SGCZ: variants seen among roughly 807,000 people sequenced by gnomAD.
SGCZ encodes sarcoglycan zeta, also known as zeta-sarcoglycan.
Under a neutral mutation model 41.3 loss-of-function variants are expected in SGCZ, and 40 were observed. The ratio of observed to expected loss-of-function variants is 0.97; its 90% CI spans 0.75 to 1.26. The LOEUF (loss-of-function observed/expected upper bound fraction) is 1.26. Ranked by LOEUF, SGCZ falls within the 50% of genes most tolerant of loss-of-function variation. The pLI, the probability that SGCZ is intolerant of heterozygous loss-of-function variation, is 0.00. For synonymous variants in SGCZ, 206 were observed against 137.5 expected, an observed-to-expected ratio of 1.50 and a Z score of -3.49; for missense variants, 552 against 369.8, an observed-to-expected ratio of 1.49 and a Z score of -4.04.
chr8:15,094,908 A>T (rs1241596252), intron 1 of SGCZ, among the ~76,000 whole-genome samples: 1 of 152,132 alleles, frequency 6.6e-6, no homozygotes, highest in Non-Finnish European at 1.5e-5. Flanking sequence ...CAGAACTGTG[A>T]ATCAATTTAA....
chr8:14,651,377 T>C (rs1004384444), intron 1 of SGCZ, among the ~76,000 whole-genome samples: 65 of 152,104 alleles, frequency 4.3e-4, no homozygotes, highest in African/African-American at 1.4e-3. Flanking sequence ...GAATTGAATA[T>C]GAACATGTCT....
At chr8:14,770,221 T>C (rs1034334925) in intron 1 of SGCZ, among the ~76,000 whole-genome samples, 5 of 151,496 alleles carry the variant, frequency 3.3e-5, no homozygotes, top group Non-Finnish European at 4.4e-5. Context: ...TACATCACGA[T>C]GCTAATCTAG....
intron 1 of SGCZ, among the ~76,000 whole-genome samples, chr8:14,713,967 T>A (rs1034785857): frequency 4.6e-5 from 7 of 151,946 alleles, no homozygotes; most frequent in African/African-American, 1.5e-4. Flanking sequence ...CATCTGTATG[T>A]TTGTTTTTGT....
chr8:14,620,041 A>G (rs914949910), intron 1 of SGCZ, among the ~76,000 whole-genome samples: 4 of 152,202 alleles, frequency 2.6e-5, no homozygotes, highest in Non-Finnish European at 5.9e-5. Context: ...TTCAAACTAT[A>G]CTACAAGGCT....
intron 3 of SGCZ, among the ~76,000 whole-genome samples, chr8:14,304,497 G>T (rs1328372652): frequency 6.6e-6 from 1 of 152,128 alleles, no homozygotes; most frequent in Non-Finnish European, 1.5e-5. Flanking sequence ...AGGAGGCTGA[G>T]GTTGGAGGAT....
intron 2 of SGCZ, among the ~76,000 whole-genome samples, chr8:14,352,137 T>C (rs1034389126): frequency 2.0e-5 from 3 of 152,108 alleles, no homozygotes; most frequent in African/African-American, 7.2e-5. Context: ...AAGAATGAAA[T>C]GCATCTTTCA....
chr8:14,507,986 G>C (rs1009929093), intron 2 of SGCZ, among the ~76,000 whole-genome samples: 4 of 152,014 alleles, frequency 2.6e-5, no homozygotes, highest in Non-Finnish European at 4.4e-5. Flanking sequence ...GGTCAGGCTG[G>C]TCTCAAACTC....
intron 4 of SGCZ, among the ~76,000 whole-genome samples, chr8:14,208,473 T>C (rs918035848): frequency 1.3e-5 from 2 of 152,126 alleles, no homozygotes; most frequent in Admixed American, 6.6e-5. Context: ...AAGAAAAATA[T>C]ATAGAGCTGA....
At chr8:14,404,495 A>G (rs966882715) in intron 2 of SGCZ, among the ~76,000 whole-genome samples, 1 of 152,230 alleles carries the variant, frequency 6.6e-6, no homozygotes, top group African/African-American at 2.4e-5. Context: ...AATGATTAAA[A>G]TGACATTTAG....
intron 1 of SGCZ, among the ~76,000 whole-genome samples, chr8:15,112,236 C>A (rs969972646): frequency 1.3e-5 from 2 of 152,162 alleles, no homozygotes; most frequent in Non-Finnish European, 2.9e-5. Context: ...AATAATATAC[C>A]ACCAGCACTA....
At chr8:15,202,122 T>G (rs1800909445) in intron 1 of SGCZ, among the ~76,000 whole-genome samples, 1 of 152,204 alleles carries the variant, frequency 6.6e-6, no homozygotes, top group African/African-American at 2.4e-5. Flanking sequence ...TGAATAACAA[T>G]TTCACAACCA....
intron 1 of SGCZ, among the ~76,000 whole-genome samples, chr8:15,153,226 C>T (rs1799232441): frequency 6.7e-6 from 1 of 149,484 alleles, no homozygotes; most frequent in South Asian, 2.2e-4. Context: ...TCTTGTAAAT[C>T]CAGGTGCATG....
At chr8:14,782,363 C>A (rs1800617612) in intron 1 of SGCZ, among the ~76,000 whole-genome samples, 1 of 152,154 alleles carries the variant, frequency 6.6e-6, no homozygotes, top group Admixed American at 6.5e-5. Flanking sequence ...CCTGCTGAAT[C>A]ATAATGTAAG....
intron 1 of SGCZ, among the ~76,000 whole-genome samples, chr8:14,941,917 A>G (rs1800288047): frequency 6.6e-6 from 1 of 151,722 alleles, no homozygotes; most frequent in African/African-American, 2.4e-5. Context: ...TTCGAAGGAA[A>G]AAGTTAAAAT....
chr8:14,799,136 A>T (rs1359300320), intron 1 of SGCZ, among the ~76,000 whole-genome samples: 2 of 152,110 alleles, frequency 1.3e-5, no homozygotes, highest in Non-Finnish European at 2.9e-5. Flanking sequence ...ATTTTGGAAG[A>T]AAACTAATAA....
chr8:14,734,570 G>T (rs548684782), intron 1 of SGCZ, among the ~76,000 whole-genome samples: 1 of 152,090 alleles, frequency 6.6e-6, no homozygotes, highest in East Asian at 1.9e-4. Flanking sequence ...AATGCTTCAC[G>T]TATGTATAGA....
At chr8:14,358,240 G>C (rs757254959) in intron 2 of SGCZ, among the ~76,000 whole-genome samples, 24 of 151,976 alleles carry the variant, frequency 1.6e-4, no homozygotes, top group Non-Finnish European at 3.4e-4. Flanking sequence ...ATATATTATC[G>C]CATTTTGTAA....
intron 1 of SGCZ, among the ~76,000 whole-genome samples, chr8:15,098,716 A>C (rs1261037387): frequency 6.6e-6 from 1 of 152,148 alleles, no homozygotes; most frequent in Non-Finnish European, 1.5e-5. Context: ...AAATAATATA[A>C]ATTGTGGTAC....
intron 4 of SGCZ, among the ~76,000 whole-genome samples, chr8:14,169,219 A>AAATT (rs113057376): frequency 2.0e-5 from 3 of 152,284 alleles, no homozygotes; most frequent in African/African-American, 7.2e-5. Context: ...ATGTATAACA[A>AAATT]AATTAAAAAT....
Sources: allele counts gnomAD v4.1 joint callset (sites outside exome capture counted in the v4.1 genomes callset), GRCh38; gene constraint gnomAD v4.1.1; transcripts MANE v1.5; gene names NCBI Gene and HGNC (gene_info 2026-07-23, HGNC 2026-07-21).